SLC22A23: variants seen among roughly 807,000 people sequenced by gnomAD.
The protein encoded by SLC22A23 is ion transporter protein.
A neutral mutation model predicts 61.0 loss-of-function variants in SLC22A23; 26 were observed. That is an observed-to-expected ratio of 0.43 (90% confidence interval 0.31 to 0.59). The LOEUF is 0.59. Among genes scored for constraint, SLC22A23 ranks in the 20% least tolerant of loss-of-function variants. SLC22A23 has a pLI of 0.11. For synonymous variants in SLC22A23, 430 were observed against 413.9 expected, an observed-to-expected ratio of 1.04 and a Z score of -0.47; for missense variants, 796 against 934.7, an observed-to-expected ratio of 0.85 and a Z score of 1.94.
chr6:3,336,272 G>A (rs1020479127), intron 3 of SLC22A23, among the ~76,000 whole-genome samples: 3 of 152,196 alleles, frequency 2.0e-5, no homozygotes, highest in Admixed American at 6.5e-5. Flanking sequence ...GCGGGAAGGA[G>A]GAGACAGCAC....
Position 3,298,171 on chromosome 6 carries a change from T to C in SLC22A23, c.1130A>G (p.Glu377Gly), listed in dbSNP as rs538917047. The C allele has an allele frequency of 2.5e-6, 4 of 1,591,882 alleles. No homozygotes were observed. In the South Asian group the frequency reaches 4.6e-5, roughly 18 times the overall value. Residue 377 changes from glutamate to glycine, a missense_variant, in exon 5 of 10, where the codon GAG becomes GGG. Glu to Gly is a moderately conservative substitution (Grantham distance 98). Coordinates refer to ENST00000406686, the MANE Select transcript of SLC22A23 (RefSeq NM_015482.2). ...LRWLMATQQFESAKRLILHFT... is the reference protein window; with the variant it reads ...LRWLMATQQFGSAKRLILHFT... Reference sequence around the variant, plus strand: ...GTGGAGGATCAGCCTCTTTGCAGACTCAAACTGCTGGGTGGCCATTAGCCA... The same window carrying C: ...GTGGAGGATCAGCCTCTTTGCAGACCCAAACTGCTGGGTGGCCATTAGCCA...
chr6:3,309,476 G>A lies in SLC22A23; in HGVS notation c.1083-11258C>T, dbSNP rs930571737. ...GCTGAGAAAGCCCCAGGCCACTAAC[G>A]CTGGGCAGAGGCCTCAGAGCAGGGT... On this transcript the variant is annotated intron_variant, in intron 4 of 9. Transcript: ENST00000406686. This position sits in a 1 kb window ranked among gnomAD's most constrained non-coding sequence, Gnocchi z 4.7. Among the ~76,000 whole-genome samples the A allele has an allele frequency of 6.6e-6, 1 of 152,172 alleles. No individual in the cohort carries two copies. Among genetic ancestry groups the A allele is most frequent in the Non-Finnish European group, 1.5e-5 (1 of 68,040 alleles).
intron 1 of SLC22A23, among the ~76,000 whole-genome samples, chr6:3,445,398 C>T (rs1771843914): frequency 6.6e-6 from 1 of 152,196 alleles, no homozygotes; most frequent in Non-Finnish European, 1.5e-5. Context: ...CAGGGTTTCA[C>T]CATGTTGGCC....
At chr6:3,430,427 C>T (rs1770783178) in intron 1 of SLC22A23, among the ~76,000 whole-genome samples, 1 of 152,136 alleles carries the variant, frequency 6.6e-6, no homozygotes, top group African/African-American at 2.4e-5. Flanking sequence ...ACGTCCTGGC[C>T]TTGTGTAAAT....
intron 3 of SLC22A23, among the ~76,000 whole-genome samples, chr6:3,369,290 CA>C (rs1766047952): frequency 6.6e-6 from 1 of 152,156 alleles, no homozygotes; most frequent in African/African-American, 2.4e-5. Flanking sequence ...TTCTAAAGGT[CA>C]CTCTAAAGGT....
At chr6:3,403,139 G>T (rs1318220837) in intron 3 of SLC22A23, among the ~76,000 whole-genome samples, 2 of 150,480 alleles carry the variant, frequency 1.3e-5, no homozygotes, top group African/African-American at 4.9e-5. Context: ...CTTCCCACTA[G>T]ATACATTTGG....
At chr6:3,419,711 C>A (rs984764865) in intron 1 of SLC22A23, among the ~76,000 whole-genome samples, 10 of 152,180 alleles carry the variant, frequency 6.6e-5, no homozygotes, top group Non-Finnish European at 8.8e-5. Context: ...CTAGCTCTGC[C>A]AGGAATCCTT....
intron 3 of SLC22A23, among the ~76,000 whole-genome samples, chr6:3,384,547 T>C (rs1167821493): frequency 6.6e-6 from 1 of 152,228 alleles, no homozygotes; most frequent in East Asian, 1.9e-4. Context: ...ATCATCACAC[T>C]ACCTAGTTTG....
chr6:3,404,125 C>T (rs1249869943), intron 3 of SLC22A23, among the ~76,000 whole-genome samples: 2 of 152,210 alleles, frequency 1.3e-5, no homozygotes, highest in African/African-American at 4.8e-5. Context: ...AACAGCCTCC[C>T]CTGTGTGGAA....
chr6:3,393,976 C>T lies in SLC22A23; in HGVS notation c.913+16212G>A, dbSNP rs528888043. On this transcript the variant is annotated intron_variant, in intron 3 of 9. Transcript: ENST00000406686. ...CAACTGTGCAAACATTCGCTTCTAC[C>T]GTCACAAGGTGAAAAGGAAAAATGC... is the stretch of plus-strand genomic sequence containing the variant. Among the ~76,000 whole-genome samples, 8 of 152,230 alleles carry T rather than the reference C, an allele frequency of 5.3e-5. 1 individual carries two copies. Among genetic ancestry groups the T allele is most frequent in the African/African-American group, 1.2e-4 (5 of 41,524 alleles).
At chr6:3,302,283 C>CT (rs1172018671) in intron 4 of SLC22A23, among the ~76,000 whole-genome samples, 3 of 152,002 alleles carry the variant, frequency 2.0e-5, no homozygotes, top group Non-Finnish European at 4.4e-5. Flanking sequence ...GTTGTGATGT[C>CT]TTTTTTTGTT....
chr6:3,338,462 G>A (rs192901981), intron 3 of SLC22A23, among the ~76,000 whole-genome samples: 1 of 152,342 alleles, frequency 6.6e-6, no homozygotes, highest in African/African-American at 2.4e-5. Flanking sequence ...CCTTAGCTGG[G>A]ACTACAGGCG....
chr6:3,350,810 CAG>C (rs1375267393), intron 3 of SLC22A23, among the ~76,000 whole-genome samples: 2 of 152,072 alleles, frequency 1.3e-5, no homozygotes, highest in Admixed American at 6.6e-5. Context: ...ATTTTCACAT[CAG>C]AGAGAGAAAA....
At chr6:3,418,777 T>C (rs1769912791) in intron 1 of SLC22A23, among the ~76,000 whole-genome samples, 1 of 152,206 alleles carries the variant, frequency 6.6e-6, no homozygotes, top group South Asian at 2.1e-4. Context: ...AAGTTTACCA[T>C]GATAAGGGTT....
Position 3,324,368 on chromosome 6 carries a change from C to G in SLC22A23, c.914-366G>C, listed in dbSNP as rs367652042. Among the ~76,000 whole-genome samples the G allele has an allele frequency of 1.3e-5, 2 of 152,316 alleles. No homozygotes were observed. The highest frequency in any genetic ancestry group is 2.4e-5 in the African/African-American group (1 of 41,564). ...AGCTTGCTGTCCAGCACGTTCCCCC[C>G]TCGTGCCCATCCTGTCGCCATTCCT... On this transcript the variant is annotated intron_variant, in intron 3 of 9. Transcript: ENST00000406686. The surrounding 1 kb of genome is among the most constrained non-coding windows in gnomAD (Gnocchi z 4.3).
In SLC22A23 at chr6:3,298,106, T is replaced by C. The variant is rs751002343; in HGVS notation, c.1195A>G (p.Lys399Glu). Residue 399 changes from lysine (K) to glutamate (E), a missense_variant, in exon 5 of 10, where the codon AAG becomes GAG. Physicochemically the swap from Lys to Glu is moderately conservative, Grantham distance 56. Transcript: ENST00000406686. ...GTGTGCTCACCTGGTATCACACCCTTGATGTCGCCCTCAGGGTTCATGCGA... is the reference window on the plus strand; with the variant it reads ...GTGTGCTCACCTGGTATCACACCCTCGATGTCGCCCTCAGGGTTCATGCGA... ...KNRMNPEGDI[K>E]GVIPELEKEL... The C allele has an allele frequency of 6.4e-7, 1 of 1,570,994 alleles. No homozygotes were observed. The highest frequency in any genetic ancestry group is 1.2e-5 in the South Asian group (1 of 83,892).
At chr6:3,358,892 T>C (rs1222992336) in intron 3 of SLC22A23, among the ~76,000 whole-genome samples, 1 of 152,042 alleles carries the variant, frequency 6.6e-6, no homozygotes, top group Admixed American at 6.6e-5. Context: ...ACCTTTGCCA[T>C]TTCAAAGGGA....
At chr6:3,310,311 A>G (rs112502988) in intron 4 of SLC22A23, among the ~76,000 whole-genome samples, 2,015 of 88,794 alleles carry the variant, frequency 0.023, 60 homozygotes, top group African/African-American at 0.086. Context: ...TCTCCCACTC[A>G]AGCACCCTGC....
chr6:3,403,713 C>G (rs1433425273), intron 3 of SLC22A23, among the ~76,000 whole-genome samples: 1 of 152,154 alleles, frequency 6.6e-6, no homozygotes, highest in Admixed American at 6.5e-5. Context: ...AAGAAATCTT[C>G]AACACTGAAG....
Sources: gnomAD v4.1 joint callset for allele counts (sites outside exome capture counted in the v4.1 genomes callset) on GRCh38, gnomAD v4.1.1 for gene constraint, Gnocchi (gnomAD v3.1) non-coding constraint, MANE v1.5 for transcripts, NCBI Gene and HGNC (gene_info 2026-07-23, HGNC 2026-07-21) for gene names.